Variants in SON observed in about 807,000 individuals in gnomAD.
The protein encoded by SON is SON DNA and RNA binding protein.
A neutral mutation model predicts 173.3 loss-of-function variants in SON; 4 were observed. The ratio of observed to expected loss-of-function variants is 0.02; its 90% confidence interval spans 0.01 to 0.05. The LOEUF is 0.05. Among genes scored for constraint, SON ranks in the 10% least tolerant of loss-of-function variants. The pLI is 1.00. For missense variants in SON, 2,626 were observed against 3,055.3 expected, an observed-to-expected ratio of 0.86 and a Z score of 3.31; for synonymous variants, 1,190 against 1,105.9, an observed-to-expected ratio of 1.08 and a Z score of -1.51.
In SON at chr21:33,550,847, A is replaced by G. The variant is rs545560525; in HGVS notation, c.1616A>G (p.Gln539Arg). 6.2e-7 allele frequency: 1 copy of G among 1,613,510 alleles called. No individual in the cohort carries two copies. Among genetic ancestry groups the G allele is most frequent in the South Asian group, 1.1e-5 (1 of 91,070 alleles). Reference protein sequence around the residue: ...EVTTATGLLGQPEATMVLELP... With the variant: ...EVTTATGLLGRPEATMVLELP... ...ACAACGGCAACAGGGTTGCTGGGGC[A>G]GCCTGAGGCAACGATGGTGCTGGAG... The change falls in exon 3 of 12, where the codon CAG (glutamine) becomes CGG (arginine). Residue 539 changes from glutamine to arginine, a missense_variant. Transcript: ENST00000356577.
Position 33,552,881 on chromosome 21 carries a change from A to C in SON, c.3650A>C (p.Gln1217Pro), listed in dbSNP as rs779793339. 1 of 1,613,536 alleles carries C rather than the reference A, an allele frequency of 6.2e-7. No individual in the cohort carries two copies. Among genetic ancestry groups the C allele is most frequent in the Non-Finnish European group, 8.5e-7 (1 of 1,179,480 alleles). The change falls in exon 3 of 12, where the codon CAA becomes CCA. Residue 1217 changes from glutamine (Q) to proline (P), a missense_variant. Transcript: ENST00000356577. This position sits in a 1 kb window ranked among gnomAD's most constrained non-coding sequence, Gnocchi z 5.6. ...SVSQPEPPVS[Q>P]SEISEPSAVP... ...TCGCAGCCTGAGCCTCCTGTGAGTC[A>C]AAGTGAGATTTCGGAGCCTTCAGCA...
chr21:33,551,472 A>G lies in SON; in HGVS notation c.2241A>G (p.Ala747=), dbSNP rs189178754. ...ACACCATGGACTCCCAGATGCTAGC[A>G]TCCAACACCATGGACTCCCAGATGT... The part of the protein sequence containing the change: ...ASNTMDSQML[A]SNTMDSQMLA... Residue 747 remains alanine, a synonymous_variant, in exon 3 of 12, where the codon GCA becomes GCG. Coordinates refer to ENST00000356577, the MANE Select transcript of SON (RefSeq NM_138927.4). 2 of 1,613,952 alleles carry G rather than the reference A, an allele frequency of 1.2e-6. No homozygotes were observed. The highest frequency in any genetic ancestry group is 8.5e-7 in the Non-Finnish European group (1 of 1,179,886).
Position 33,553,382 on chromosome 21 carries a change from T to G in SON, c.4151T>G (p.Leu1384Arg), listed in dbSNP as rs751427513. Residue 1384 changes from leucine to arginine, a missense_variant, in exon 3 of 12, where the codon CTG becomes CGG. Physicochemically the swap from Leu to Arg is moderately radical, Grantham distance 102. Around this residue, in one of 13 missense-constraint regions of SON, gnomAD observed 1,006 missense variants for 895.6 expected, o/e 1.12. Coordinates refer to ENST00000356577, the MANE Select transcript of SON (RefSeq NM_138927.4). ...TVLESSTVTV[L>R]EPSVVTVPEP... ...CTGGAGTCTTCGACTGTAACTGTCC[T>G]GGAGCCTTCGGTTGTGACTGTCCCG... is the stretch of plus-strand genomic sequence containing the variant. The G allele has an allele frequency of 8.1e-6, 13 of 1,613,418 alleles. No individual in the cohort carries two copies. In the African/African-American group the frequency reaches 1.2e-4, roughly 15 times the overall value.
intron 6 of SON, among the ~76,000 whole-genome samples, chr21:33,563,245 G>A (rs943522920): frequency 4.0e-5 from 6 of 151,894 alleles, no homozygotes; most frequent in Admixed American, 6.5e-5. Flanking sequence ...TTGTTTTCCC[G>A]TTGTACTTCA....
chr21:33,557,730 G>A, intron 4 of SON: 8 of 1,418,466 alleles, frequency 5.6e-6, no homozygotes, highest in Non-Finnish European at 6.4e-6. Context: ...TTTGCCACCG[G>A]AGCTTGGAAA....
rs534835856 is a variant in SON at position 33,553,805 on chromosome 21, A to G, written c.4574A>G (p.Glu1525Gly). 3 of 1,614,102 alleles carry G rather than the reference A, an allele frequency of 1.9e-6. No individual in the cohort carries two copies. The highest frequency in any genetic ancestry group is 1.3e-5 in the African/African-American group (1 of 75,064). ...AEEHLKGDFY[E>G]SEHGINIDLN... ...GAACACCTGAAAGGTGACTTTTACG[A>G]AAGTGAACATGGTATAAATATAGAC... Residue 1525 changes from glutamate to glycine, a missense_variant, in exon 3 of 12, where the codon GAA (glutamate) becomes GGA (glycine). Glu to Gly is a moderately conservative substitution (Grantham distance 98). This residue lies in a region of SON where 1,006 missense variants were observed against 895.6 expected (regional missense o/e 1.12). Coordinates refer to ENST00000356577, the MANE Select transcript of SON (RefSeq NM_138927.4).
chr21:33,568,957 C>T lies in SON; in HGVS notation c.6769-14C>T. 1 of 1,532,510 alleles carries T rather than the reference C, an allele frequency of 6.5e-7. No homozygotes were observed. Among genetic ancestry groups the T allele is most frequent in the Non-Finnish European group, 9.0e-7 (1 of 1,111,436 alleles). The allele number at this position is 1,532,510 out of a possible 1,614,324, so 94.9% of individuals were successfully genotyped here. ...AATTTTACTTAGTTAACTGAGACTA[C>T]TTCTTTTCTTCAGATTGATGCCTGG... On this transcript the variant is annotated splice_polypyrimidine_tract_variant and intron_variant, in intron 7 of 11. Coordinates refer to ENST00000356577, the MANE Select transcript of SON (RefSeq NM_138927.4).
chr21:33,558,215 C>T (rs1344257754), intron 4 of SON: 1 of 152,298 alleles, frequency 6.6e-6, no homozygotes, highest in Non-Finnish European at 1.5e-5. Flanking sequence ...TGTATAGAGA[C>T]AGGTGTACCC....
At position 33,559,091 on chromosome 21, in the gene SON, A is replaced by G; in HGVS notation, c.6322-139A>G. The G allele has an allele frequency of 3.3e-6, 2 of 613,188 alleles. No homozygotes were observed. The highest frequency in any genetic ancestry group is 5.3e-6 in the Non-Finnish European group (2 of 374,560). The allele number at this position is 613,188 out of a possible 1,614,324, so 38.0% of individuals were successfully genotyped here. Reference sequence around the variant, plus strand: ...AGAGTGTGTTTAAATAGTAGTTAATATGCCAAGTTACGTATCTATAACCTA... The same window carrying G: ...AGAGTGTGTTTAAATAGTAGTTAATGTGCCAAGTTACGTATCTATAACCTA... On this transcript the variant is annotated intron_variant, in intron 4 of 11. Coordinates refer to ENST00000356577, the MANE Select transcript of SON (RefSeq NM_138927.4). The surrounding 1 kb of genome is among the most constrained non-coding windows in gnomAD (Gnocchi z 4.1).
In SON at chr21:33,550,866, G is replaced by A; in HGVS notation, c.1635G>A (p.Val545=). 6.2e-7 allele frequency: 1 copy of A among 1,612,930 alleles called. No individual in the cohort carries two copies. Among genetic ancestry groups the A allele is most frequent in the East Asian group, 2.2e-5 (1 of 44,802 alleles). ...GLLGQPEATM[V]LELPGQPVAT... is the part of the protein sequence containing the mutation. Reference sequence around the variant, plus strand: ...TGGGGCAGCCTGAGGCAACGATGGTGCTGGAGTTGCCAGGACAGCCAGTGG... The same window carrying A: ...TGGGGCAGCCTGAGGCAACGATGGTACTGGAGTTGCCAGGACAGCCAGTGG... Residue 545 remains valine, a synonymous_variant, in exon 3 of 12, where the codon GTG becomes GTA. Coordinates refer to ENST00000356577, the MANE Select transcript of SON (RefSeq NM_138927.4).
At chr21:33,557,603 G>A (rs2085992679) in intron 4 of SON, 1 of 1,550,060 alleles carries the variant, frequency 6.5e-7, no homozygotes, top group African/African-American at 1.4e-5. Context: ...AGGAGGTGTT[G>A]AGTGAGCAAC....
At chr21:33,562,272 A>T (rs2086084164) in intron 6 of SON, among the ~76,000 whole-genome samples, 1 of 152,178 alleles carries the variant, frequency 6.6e-6, no homozygotes, top group South Asian at 2.1e-4. Flanking sequence ...ACTTCGTGGG[A>T]GCATTAACCC....
Position 33,553,329 on chromosome 21 carries a change from C to T in SON, c.4098C>T (p.Thr1366=), listed in dbSNP as rs550454473. 110 of 1,601,592 alleles carry T rather than the reference C, an allele frequency of 6.9e-5. No individual in the cohort carries two copies. Among genetic ancestry groups the T allele is most frequent in the Non-Finnish European group, 9.1e-5 (107 of 1,171,880 alleles). The change falls in exon 3 of 12, where the codon ACC becomes ACT. Residue 1366 remains threonine, a synonymous_variant. Transcript: ENST00000356577. ...AMAVLESSAV[T]VLESSTVTVL... is the part of the protein sequence containing the mutation. ...CTGTCCTGGAGTCTTCGGCTGTGACCGTCCTGGAGTCTTCGACTGTGACTG... is the reference window on the plus strand; with the variant it reads ...CTGTCCTGGAGTCTTCGGCTGTGACTGTCCTGGAGTCTTCGACTGTGACTG...
chr21:33,572,181 T>TATATATATA (rs1569069155), intron 8 of SON: 1 of 142,722 alleles, frequency 7.0e-6, no homozygotes, highest in African/African-American at 2.6e-5. Context: ...TATTATATAT[T>TATATATATA]TATATATATA....
intron 9 of SON, among the ~76,000 whole-genome samples, chr21:33,573,837 T>G (rs1187168465): frequency 6.6e-6 from 1 of 150,588 alleles, no homozygotes; most frequent in East Asian, 1.9e-4. Flanking sequence ...TGTTAGATAT[T>G]TTAGCACATC....
intron 4 of SON, chr21:33,557,839 C>A: frequency 1.9e-6 from 1 of 538,450 alleles, no homozygotes; most frequent in Non-Finnish European, 3.0e-6. Context: ...TAATGGCCGG[C>A]CATTATCAGT....
At chr21:33,546,444 T>G (rs2085618982) in intron 2 of SON, 65 bp downstream of exon 2, 27 of 1,329,616 alleles carry the variant, frequency 2.0e-5, no homozygotes, top group Non-Finnish European at 2.8e-5. Context: ...ATTTGAAGGT[T>G]AATGTTAGTT....
intron 9 of SON, among the ~76,000 whole-genome samples, chr21:33,575,149 C>T (rs1179784952): frequency 6.6e-6 from 1 of 152,130 alleles, no homozygotes; most frequent in Non-Finnish European, 1.5e-5. Context: ...GATTCTCCTG[C>T]CCCAGCCTCC....
At chr21:33,573,632 TG>T (rs2086336015) in intron 9 of SON, among the ~76,000 whole-genome samples, 177 bp downstream of exon 9, 1 of 152,188 alleles carries the variant, frequency 6.6e-6, no homozygotes. Context: ...TATATAACTA[TG>T]GATAGAGACA....
Sources: allele counts gnomAD v4.1 joint callset (sites outside exome capture counted in the v4.1 genomes callset), GRCh38; gene constraint gnomAD v4.1.1; regional missense constraint gnomAD v4.1.1; non-coding constraint Gnocchi (gnomAD v3.1); transcripts MANE v1.5; gene names NCBI Gene and HGNC (gene_info 2026-07-23, HGNC 2026-07-21).